Variants in C1orf21 observed in about 807,000 individuals in gnomAD.
The protein encoded by C1orf21 is uncharacterized protein C1orf21.
Under a neutral mutation model 18.7 loss-of-function variants are expected in C1orf21, and 3 were observed. The ratio of observed to expected loss-of-function variants is 0.16; its 90% confidence interval spans 0.07 to 0.42. C1orf21 has a LOEUF of 0.42. C1orf21 is among the 10% of genes least tolerant of loss of function. The pLI, the probability that C1orf21 is intolerant of heterozygous loss-of-function variation, is 0.99. For synonymous variants in C1orf21, 41 were observed against 46.4 expected (o/e 0.88, Z 0.47); for missense variants, 104 against 143.6 (o/e 0.72, Z 1.41).
intron 2 of C1orf21, among the ~76,000 whole-genome samples, chr1:184,482,284 T>C (rs924181775): frequency 2.6e-5 from 4 of 152,176 alleles, no homozygotes; most frequent in Admixed American, 2.6e-4. Flanking sequence ...GCCAAACTTT[T>C]CAGCCCGGCT....
At chr1:184,442,176 T>G (rs1656958580) in intron 1 of C1orf21, among the ~76,000 whole-genome samples, 1 of 152,156 alleles carries the variant, frequency 6.6e-6, no homozygotes, top group African/African-American at 2.4e-5. Flanking sequence ...AATGGGACAA[T>G]GTATGTAAAT....
intron 2 of C1orf21, among the ~76,000 whole-genome samples, chr1:184,494,551 G>A (rs575449657): frequency 6.6e-6 from 1 of 152,030 alleles, no homozygotes; most frequent in African/African-American, 2.4e-5. Context: ...AGATATGGGC[G>A]GGCTTGGGAT....
At chr1:184,396,195 A>G (rs1447855920) in intron 1 of C1orf21, among the ~76,000 whole-genome samples, 7 of 152,222 alleles carry the variant, frequency 4.6e-5, no homozygotes, top group South Asian at 4.1e-4. Context: ...TGCCCACAAT[A>G]TAAGCAGTGA....
At chr1:184,434,163 T>C (rs1376199135) in intron 1 of C1orf21, among the ~76,000 whole-genome samples, 1 of 152,122 alleles carries the variant, frequency 6.6e-6, no homozygotes, top group Non-Finnish European at 1.5e-5. Flanking sequence ...AACAAGCACT[T>C]AGCATGGTGT....
chr1:184,506,991 A>AAT (rs1249384079), intron 2 of C1orf21, among the ~76,000 whole-genome samples: 1 of 150,310 alleles, frequency 6.7e-6, no homozygotes, highest in African/African-American at 2.4e-5. Flanking sequence ...ATATGAAATA[A>AAT]ATATATATAT....
chr1:184,483,080 A>G (rs941966454), intron 2 of C1orf21, among the ~76,000 whole-genome samples: 28 of 152,230 alleles, frequency 1.8e-4, no homozygotes, highest in Non-Finnish European at 3.8e-4. Context: ...AAAGTTTCAG[A>G]TCTAAAGTTC....
chr1:184,471,006 T>C lies in C1orf21; in HGVS notation c.-124-6380T>C, dbSNP rs142106660. ...ATGGGTCCACACAGCTGTGAATGTG[T>C]GACTTTAATCAGGGGCTGGTGTTTT... is the stretch of plus-strand genomic sequence containing the variant. On this transcript the variant is annotated intron_variant, in intron 1 of 5. Coordinates refer to ENST00000235307, the MANE Select transcript of C1orf21 (RefSeq NM_030806.4). Among the ~76,000 whole-genome samples, 164 of 152,268 alleles carry C rather than the reference T, an allele frequency of 1.1e-3. 1 individual carries two copies. The highest frequency in any genetic ancestry group is 3.7e-3 in the African/African-American group (154 of 41,560).
chr1:184,447,828 A>C (rs985381232), intron 1 of C1orf21, among the ~76,000 whole-genome samples: 1 of 152,132 alleles, frequency 6.6e-6, no homozygotes, highest in Non-Finnish European at 1.5e-5. Flanking sequence ...CTAACAAAAA[A>C]ATCTGGTCAT....
At position 184,628,412 on chromosome 1, in the gene C1orf21, T is replaced by G. The variant is rs1660052727; in HGVS notation, c.*8856T>G. 6.6e-6 allele frequency: 1 copy of G among 152,208 alleles called. No individual in the cohort carries two copies. The highest frequency in any genetic ancestry group is 2.1e-4 in the South Asian group (1 of 4,826). The allele number at this position is 152,208 out of a possible 1,614,324, so 9.4% of individuals were successfully genotyped here. A position where few individuals can be genotyped will look rare whatever the true frequency, so the allele number is the denominator to read the frequency against. On this transcript the variant is annotated 3_prime_UTR_variant, in exon 6 of 6. Coordinates refer to ENST00000235307, the MANE Select transcript of C1orf21 (RefSeq NM_030806.4). ...TTCTGGCATTTTCTCTCTGAACTCCTGAGGGGGACCTTGGGCACCTCCTGG... is the reference window on the plus strand; with the variant it reads ...TTCTGGCATTTTCTCTCTGAACTCCGGAGGGGGACCTTGGGCACCTCCTGG...
At chr1:184,580,483 C>T (rs946725516) in intron 3 of C1orf21, among the ~76,000 whole-genome samples, 1 of 152,238 alleles carries the variant, frequency 6.6e-6, no homozygotes, top group African/African-American at 2.4e-5. Context: ...TGCTGTTAAT[C>T]ATTGGTCCTC....
intron 3 of C1orf21, among the ~76,000 whole-genome samples, chr1:184,538,930 T>C (rs1252594305): frequency 6.6e-6 from 1 of 152,238 alleles, no homozygotes; most frequent in Non-Finnish European, 1.5e-5. Flanking sequence ...AAACATAAGA[T>C]TATATTACTT....
At chr1:184,545,655 T>C (rs952817732) in intron 3 of C1orf21, among the ~76,000 whole-genome samples, 10 of 152,200 alleles carry the variant, frequency 6.6e-5, no homozygotes, top group African/African-American at 2.2e-4. Flanking sequence ...CTGGTTTTCC[T>C]GTTGTGCAGT....
At chr1:184,465,914 G>A (rs751992068) in intron 1 of C1orf21, among the ~76,000 whole-genome samples, 9 of 152,112 alleles carry the variant, frequency 5.9e-5, no homozygotes, top group Non-Finnish European at 8.8e-5. Context: ...ACCACGAGGC[G>A]CTGGCTGATG....
At chr1:184,397,731 A>G (rs1235098562) in intron 1 of C1orf21, among the ~76,000 whole-genome samples, 1 of 152,194 alleles carries the variant, frequency 6.6e-6, no homozygotes, top group Non-Finnish European at 1.5e-5. Flanking sequence ...TTATGCGAGC[A>G]CCCAATGTAG....
chr1:184,522,434 G>A (rs905277726), intron 3 of C1orf21, among the ~76,000 whole-genome samples: 4 of 152,020 alleles, frequency 2.6e-5, no homozygotes, highest in African/African-American at 4.8e-5. Flanking sequence ...AAAGGAACTA[G>A]GGCTTCTTGA....
At chr1:184,500,947 T>A (rs1657967237) in intron 2 of C1orf21, among the ~76,000 whole-genome samples, 1 of 152,196 alleles carries the variant, frequency 6.6e-6, no homozygotes, top group African/African-American at 2.4e-5. Context: ...TTGCTGTGAC[T>A]TCTCTGGCTC....
At chr1:184,424,092 C>T (rs1656592414) in intron 1 of C1orf21, among the ~76,000 whole-genome samples, 1 of 152,100 alleles carries the variant, frequency 6.6e-6, no homozygotes, top group African/African-American at 2.4e-5. Context: ...TTATTTTAGG[C>T]CTGTCTCCTA....
chr1:184,509,275 G>C (rs1658110745), intron 3 of C1orf21, among the ~76,000 whole-genome samples: 1 of 152,154 alleles, frequency 6.6e-6, no homozygotes, highest in Non-Finnish European at 1.5e-5. Flanking sequence ...TTTGCAATCT[G>C]TCAACTACTT....
intron 3 of C1orf21, among the ~76,000 whole-genome samples, chr1:184,539,593 C>T (rs898190543): frequency 2.6e-5 from 4 of 152,146 alleles, no homozygotes; most frequent in African/African-American, 9.7e-5. Context: ...TTTGGTAGAA[C>T]TCACCAGTGA....
Sources: gnomAD v4.1 joint callset for allele counts (sites outside exome capture counted in the v4.1 genomes callset) on GRCh38, gnomAD v4.1.1 for gene constraint, MANE v1.5 for transcripts, NCBI Gene and HGNC (gene_info 2026-07-23, HGNC 2026-07-21) for gene names.